Variants in RAB31 observed in about 807,000 individuals in gnomAD.
RAB31 encodes the protein RAB31, member RAS oncogene family, also known as ras-related protein Rab-31.
Under a neutral mutation model 25.6 loss-of-function variants are expected in RAB31, and 21 were observed. The observed-to-expected ratio is 0.82, with a 90% CI of 0.58 to 1.18. RAB31 has a LOEUF of 1.18. Among genes scored for constraint, RAB31 ranks in the 50% most tolerant of loss-of-function variants. The probability of loss-of-function intolerance (pLI) is 0.00; values close to 1 mark genes in which losing one functional copy is unlikely to be tolerated. For missense variants in RAB31, 196 were observed against 250.1 expected, an observed-to-expected ratio of 0.78 and a Z score of 1.46; for synonymous variants, 87 against 84.0, an observed-to-expected ratio of 1.04 and a Z score of -0.20.
intron 5 of RAB31, among the ~76,000 whole-genome samples, chr18:9,839,900 C>T (rs1240821798): frequency 2.0e-5 from 3 of 152,208 alleles, no homozygotes; most frequent in Non-Finnish European, 4.4e-5. Flanking sequence ...TGTGGTCCCG[C>T]AGCCGTTCCT....
chr18:9,835,265 C>T (rs964479437), intron 5 of RAB31, among the ~76,000 whole-genome samples: 1 of 152,176 alleles, frequency 6.6e-6, no homozygotes, highest in Non-Finnish European at 1.5e-5. Context: ...CAAACAGGAA[C>T]TCCCAAACTG....
intron 3 of RAB31, among the ~76,000 whole-genome samples, chr18:9,792,579 C>T (rs1410696373): frequency 3.9e-5 from 6 of 152,246 alleles, no homozygotes; most frequent in Non-Finnish European, 7.4e-5. Context: ...TAACCATGGC[C>T]CCAAAAGCAT....
chr18:9,766,943 T>A lies in RAB31; in HGVS notation c.40-8335T>A, dbSNP rs2068319366. Among the ~76,000 whole-genome samples, 1 of 152,024 alleles carries A rather than the reference T, an allele frequency of 6.6e-6. No individual in the cohort carries two copies. The highest frequency in any genetic ancestry group is 1.5e-5 in the Non-Finnish European group (1 of 67,998). Reference sequence around the variant, plus strand: ...CTGTAATCCAGCCTGGGTGACAGAGTGAGATCTTGTCTCAAAACAAACAAA... The same window carrying A: ...CTGTAATCCAGCCTGGGTGACAGAGAGAGATCTTGTCTCAAAACAAACAAA... On this transcript the variant is annotated intron_variant, in intron 1 of 6. Coordinates refer to ENST00000578921, the MANE Select transcript of RAB31 (RefSeq NM_006868.4). This position sits in a 1 kb window ranked among gnomAD's most constrained non-coding sequence, Gnocchi z 4.3.
chr18:9,792,459 G>T (rs1166265637), intron 3 of RAB31, among the ~76,000 whole-genome samples: 2 of 152,096 alleles, frequency 1.3e-5, no homozygotes, highest in Non-Finnish European at 2.9e-5. Context: ...GTTGTGAGAG[G>T]AGCCCATCTC....
At chr18:9,761,705 C>T (rs976545332) in intron 1 of RAB31, among the ~76,000 whole-genome samples, 5 of 152,174 alleles carry the variant, frequency 3.3e-5, no homozygotes, top group Admixed American at 2.0e-4. Context: ...TCTCTCAGTT[C>T]CCTGCCTTGC....
At chr18:9,710,890 G>C (rs11872195) in intron 1 of RAB31, among the ~76,000 whole-genome samples, 1 of 150,704 alleles carries the variant, frequency 6.6e-6, no homozygotes. Context: ...AGAAACATCA[G>C]TCATATCACA....
At chr18:9,830,887 C>T (rs994495370) in intron 5 of RAB31, among the ~76,000 whole-genome samples, 3 of 152,120 alleles carry the variant, frequency 2.0e-5, no homozygotes, top group African/African-American at 4.8e-5. Flanking sequence ...GATATGTATG[C>T]TGCTTAATTT....
intron 2 of RAB31, among the ~76,000 whole-genome samples, chr18:9,775,930 A>C (rs1254268343): frequency 6.6e-6 from 1 of 152,102 alleles, no homozygotes; most frequent in Non-Finnish European, 1.5e-5. Context: ...CTGGGATTAC[A>C]GGTGCGCACC....
intron 1 of RAB31, among the ~76,000 whole-genome samples, chr18:9,747,943 A>T (rs2068213892): frequency 6.6e-6 from 1 of 152,216 alleles, no homozygotes; most frequent in Non-Finnish European, 1.5e-5. Flanking sequence ...AACAGTATTA[A>T]ATATTCTCCC....
At chr18:9,831,512 C>A (rs1477772883) in intron 5 of RAB31, among the ~76,000 whole-genome samples, 1 of 152,234 alleles carries the variant, frequency 6.6e-6, no homozygotes, top group Non-Finnish European at 1.5e-5. Flanking sequence ...CAGTAGACAG[C>A]TTCTTTGTAG....
At chr18:9,741,174 G>A (rs1381688761) in intron 1 of RAB31, among the ~76,000 whole-genome samples, 7 of 151,786 alleles carry the variant, frequency 4.6e-5, no homozygotes, top group African/African-American at 1.7e-4. Context: ...TCAGGAGTTC[G>A]AGACCAGCCC....
In RAB31 at chr18:9,794,553, A is replaced by G. The variant is rs572604108; in HGVS notation, c.201+2318A>G. 3.2e-4 allele frequency among the ~76,000 whole-genome samples: 48 copies of G among 152,338 alleles called. 1 individual carries two copies. In the South Asian group the frequency reaches 7.7e-3, roughly 24 times the overall value. The stretch of plus-strand genomic sequence containing the variant: ...TCATTCAGGCTGGGCACCGTGGCTC[A>G]TGCCTGCAATCCCAGCACTTTGGGA... On this transcript the variant is annotated intron_variant, in intron 3 of 6. Transcript: ENST00000578921.
Position 9,783,009 on chromosome 18 carries a change from AGCAATGATT to A in RAB31, c.119+7654_119+7662del, listed in dbSNP as rs1450775418. 3.3e-5 allele frequency among the ~76,000 whole-genome samples: 5 copies of A among 152,362 alleles called. No homozygotes were observed. The East Asian group carries it at 9.6e-4, about 29-fold the overall frequency. ...CAACAAATCTCAGTCAACAAAAAAA[AGCAATGATT>A]GTCGTGGTCCTCATTTCAAATACTG... On this transcript the variant is annotated intron_variant, in intron 2 of 6. Coordinates refer to ENST00000578921, the MANE Select transcript of RAB31 (RefSeq NM_006868.4).
At chr18:9,742,803 C>T (rs919735963) in intron 1 of RAB31, among the ~76,000 whole-genome samples, 1 of 152,180 alleles carries the variant, frequency 6.6e-6, no homozygotes, top group African/African-American at 2.4e-5. Flanking sequence ...AGTGCTTTTT[C>T]CCCAGCGAAA....
At chr18:9,796,731 A>C (rs1460293117) in intron 3 of RAB31, among the ~76,000 whole-genome samples, 1 of 152,046 alleles carries the variant, frequency 6.6e-6, no homozygotes, top group Non-Finnish European at 1.5e-5. Flanking sequence ...ATTTGTAAGA[A>C]TCTCTTAACA....
intron 1 of RAB31, among the ~76,000 whole-genome samples, chr18:9,727,177 G>C (rs1419631368): frequency 6.6e-6 from 1 of 152,190 alleles, no homozygotes; most frequent in Non-Finnish European, 1.5e-5. Context: ...TCTTCCAGCT[G>C]TAGCCATGTG....
intron 3 of RAB31, among the ~76,000 whole-genome samples, chr18:9,800,437 G>A (rs1429057150): frequency 6.6e-6 from 1 of 152,178 alleles, no homozygotes; most frequent in Non-Finnish European, 1.5e-5. Context: ...TGGCTCTGAA[G>A]ATATATTTAT....
At chr18:9,806,336 G>A (rs776274946) in intron 3 of RAB31, among the ~76,000 whole-genome samples, 2 of 152,128 alleles carry the variant, frequency 1.3e-5, no homozygotes, top group African/African-American at 2.4e-5. Flanking sequence ...AATATTTGTC[G>A]AGTCCTTGCT....
At chr18:9,772,414 G>A (rs1176071747) in intron 1 of RAB31, among the ~76,000 whole-genome samples, 1 of 152,202 alleles carries the variant, frequency 6.6e-6, no homozygotes, top group African/African-American at 2.4e-5. Flanking sequence ...AGCTCAGAGG[G>A]GCCACAGGTG....
Sources: allele counts gnomAD v4.1 joint callset (sites outside exome capture counted in the v4.1 genomes callset), GRCh38; gene constraint gnomAD v4.1.1; non-coding constraint Gnocchi (gnomAD v3.1); transcripts MANE v1.5; gene names NCBI Gene and HGNC (gene_info 2026-07-23, HGNC 2026-07-21).